Variants in NCKAP5 observed in about 807,000 individuals in gnomAD.
NCKAP5 encodes NCK associated protein 5.
NCKAP5 carries 92 observed loss-of-function variants against 167.0 expected under a neutral mutation model. That is an observed-to-expected ratio of 0.55 (90% CI 0.47 to 0.66). NCKAP5 has a LOEUF of 0.66. NCKAP5 is among the 30% of genes least tolerant of loss of function. The pLI, the probability that NCKAP5 is intolerant of heterozygous loss-of-function variation, is 0.00. For missense variants in NCKAP5, 2,378 were observed against 2,315.0 expected (o/e 1.03, Z -0.56); for synonymous variants, 891 against 877.4 (o/e 1.02, Z -0.27).
At chr2:133,361,871 T>C (rs73957041) in intron 3 of NCKAP5, among the ~76,000 whole-genome samples, 1,622 of 152,334 alleles carry the variant, frequency 0.011, 36 homozygotes, top group African/African-American at 0.034. Flanking sequence ...TTCATATATT[T>C]GATTTCTATT....
At chr2:133,132,515 AC>A (rs1559173949) in intron 5 of NCKAP5, among the ~76,000 whole-genome samples, 9 of 150,802 alleles carry the variant, frequency 6.0e-5, no homozygotes, top group South Asian at 2.1e-4. Context: ...ACACACACAC[AC>A]AAACCCTGAT....
intron 4 of NCKAP5, among the ~76,000 whole-genome samples, chr2:133,223,060 G>T (rs1410760845): frequency 1.3e-5 from 2 of 152,194 alleles, no homozygotes; most frequent in African/African-American, 4.8e-5. Context: ...CCACATTTTT[G>T]CAGAGTAGAA....
chr2:133,237,380 G>C (rs1219084685), intron 4 of NCKAP5, among the ~76,000 whole-genome samples: 1 of 152,044 alleles, frequency 6.6e-6, no homozygotes. Context: ...AGAATAAAAG[G>C]ATAGCAAAAG....
intron 10 of NCKAP5, among the ~76,000 whole-genome samples, chr2:132,868,429 C>T (rs967558753): frequency 1.3e-5 from 2 of 152,148 alleles, no homozygotes; most frequent in African/African-American, 2.4e-5. Flanking sequence ...ATATGTACCA[C>T]AAACTATTGC....
intron 4 of NCKAP5, among the ~76,000 whole-genome samples, chr2:133,296,138 T>C (rs1353058025): frequency 6.6e-6 from 1 of 152,134 alleles, no homozygotes; most frequent in Non-Finnish European, 1.5e-5. Context: ...GGTAACATCA[T>C]TATGGTAAAA....
chr2:133,407,184 T>G (rs993218773), intron 3 of NCKAP5, among the ~76,000 whole-genome samples: 1 of 152,190 alleles, frequency 6.6e-6, no homozygotes, highest in Non-Finnish European at 1.5e-5. Flanking sequence ...CGTCTTAACT[T>G]GCAAGGGAGG....
chr2:133,257,167 G>A (rs1285009758), intron 4 of NCKAP5, among the ~76,000 whole-genome samples: 4 of 152,186 alleles, frequency 2.6e-5, no homozygotes, highest in Non-Finnish European at 5.9e-5. Context: ...TAAGATACCA[G>A]TGGTCAGAAA....
At chr2:133,338,334 C>T (rs535709368) in intron 3 of NCKAP5, among the ~76,000 whole-genome samples, 23 of 152,132 alleles carry the variant, frequency 1.5e-4, no homozygotes, top group Non-Finnish European at 2.8e-4. Context: ...TAAATGTACA[C>T]GAATGATTCT....
intron 3 of NCKAP5, among the ~76,000 whole-genome samples, chr2:133,460,683 T>C (rs1647422904): frequency 6.6e-6 from 1 of 152,178 alleles, no homozygotes; most frequent in Admixed American, 6.5e-5. Flanking sequence ...TAAAATAATT[T>C]TATTTTCTTC....
At chr2:133,002,152 A>G (rs752134149) in intron 6 of NCKAP5, among the ~76,000 whole-genome samples, 1 of 152,138 alleles carries the variant, frequency 6.6e-6, no homozygotes. Context: ...TTTTCTCCCA[A>G]TCAGATCAAA....
chr2:133,084,709 C>T (rs1418037425), intron 6 of NCKAP5, among the ~76,000 whole-genome samples: 2 of 152,170 alleles, frequency 1.3e-5, no homozygotes, highest in Admixed American at 6.5e-5. Context: ...CTTTCCACTA[C>T]TGAAAGCCTC....
chr2:133,029,415 C>A (rs980940805), intron 6 of NCKAP5, among the ~76,000 whole-genome samples: 1 of 152,140 alleles, frequency 6.6e-6, no homozygotes, highest in Admixed American at 6.5e-5. Context: ...TTGATAGAGG[C>A]AAAATTCAAA....
At chr2:133,615,643 T>C in the NCKAP5 span, among the ~76,000 whole-genome samples, 1 of 152,094 alleles carries the variant, frequency 6.6e-6, no homozygotes, top group Non-Finnish European at 1.5e-5. Context: ...GCACCCAGAT[T>C]CATAAAGCAA....
intron 5 of NCKAP5, among the ~76,000 whole-genome samples, chr2:133,167,024 G>A (rs1239697291): frequency 6.6e-6 from 1 of 152,108 alleles, no homozygotes; most frequent in Non-Finnish European, 1.5e-5. Flanking sequence ...ATGCTTTCCT[G>A]TGACTCCAGC....
chr2:132,828,989 G>A (rs1420402408), intron 11 of NCKAP5, among the ~76,000 whole-genome samples: 2 of 152,128 alleles, frequency 1.3e-5, no homozygotes, highest in Non-Finnish European at 2.9e-5. Context: ...TGTCGGCTAG[G>A]AGACTCAGCA....
At chr2:132,976,563 C>CAAAA (rs1169178217) in intron 7 of NCKAP5, among the ~76,000 whole-genome samples, 12 of 51,630 alleles carry the variant, frequency 2.3e-4, no homozygotes, top group African/African-American at 4.0e-4. Flanking sequence ...GACTCCATCT[C>CAAAA]AAAAAAAAAA....
At chr2:133,223,210 C>T (rs561669434) in intron 4 of NCKAP5, among the ~76,000 whole-genome samples, 2 of 152,172 alleles carry the variant, frequency 1.3e-5, no homozygotes, top group South Asian at 4.1e-4. Flanking sequence ...TAGATGATTA[C>T]TCTCATTTAT....
chr2:133,076,984 A>C (rs1218795539), intron 6 of NCKAP5, among the ~76,000 whole-genome samples: 1 of 152,166 alleles, frequency 6.6e-6, no homozygotes, highest in Non-Finnish European at 1.5e-5. Flanking sequence ...GAGGAGAAAA[A>C]AGGGATAGAG....
chr2:133,448,986 A>AG (rs1691383445), intron 3 of NCKAP5, among the ~76,000 whole-genome samples: 1 of 152,234 alleles, frequency 6.6e-6, no homozygotes, highest in Non-Finnish European at 1.5e-5. Context: ...TGCACCATGT[A>AG]CACATGAATA....
Sources: gnomAD v4.1 joint callset for allele counts (sites outside exome capture counted in the v4.1 genomes callset) on GRCh38, gnomAD v4.1.1 for gene constraint, MANE v1.5 for transcripts, NCBI Gene and HGNC (gene_info 2026-07-23, HGNC 2026-07-21) for gene names.